The following CCNH variants were observed in gnomAD, a reference collection of about 807,000 sequenced individuals.
CCNH encodes the protein cyclin H.
Under a neutral mutation model 41.9 loss-of-function variants are expected in CCNH, and 31 were observed. The observed-to-expected ratio is 0.74, with a 90% CI of 0.56 to 1.00. The LOEUF is 1.00. Ranked by LOEUF, CCNH falls within the 50% of genes least tolerant of loss-of-function variation. The pLI is 0.00. For missense variants in CCNH, 362 were observed against 388.4 expected, an observed-to-expected ratio of 0.93 and a Z score of 0.57; for synonymous variants, 138 against 136.1, an observed-to-expected ratio of 1.01 and a Z score of -0.10.
chr5:87,412,688 G>C lies in CCNH; in HGVS notation c.107C>G (p.Ala36Gly), dbSNP rs1764356005. 2 of 1,614,054 alleles carry C rather than the reference G, an allele frequency of 1.2e-6. No individual in the cohort carries two copies. Among genetic ancestry groups the C allele is most frequent in the Non-Finnish European group, 1.7e-6 (2 of 1,179,950 alleles). ...TTGGGAAAACCTCACCTTCCCGTTG[G>C]CCACGGCTTTGCATCTGAATTTGCG... Reference protein sequence around the residue: ...ANRKFRCKAVANGKVLPNDPV... With the variant: ...ANRKFRCKAVGNGKVLPNDPV... The change falls in exon 1 of 9, where the codon GCC (alanine) becomes GGC (glycine). Residue 36 changes from alanine to glycine, a missense_variant. By Grantham distance (60) the Ala-to-Gly change is moderately conservative. Transcript: ENST00000256897.
At chr5:87,406,650 A>T (rs1369652761) in intron 4 of CCNH, among the ~76,000 whole-genome samples, 1 of 152,040 alleles carries the variant, frequency 6.6e-6, no homozygotes, top group African/African-American at 2.4e-5. Flanking sequence ...AAAAAAAAAA[A>T]GTGTAATCCC....
At chr5:87,395,021 T>G (rs763642872) in intron 8 of CCNH, 23 bp downstream of exon 8, 3 of 1,610,752 alleles carry the variant, frequency 1.9e-6, no homozygotes, top group Non-Finnish European at 2.5e-6. Flanking sequence ...TAACTTAGAG[T>G]TCATCTTTGG....
intron 2 of CCNH, 52 bp downstream of exon 2, chr5:87,411,172 A>T: frequency 6.5e-7 from 1 of 1,536,936 alleles, no homozygotes; most frequent in South Asian, 1.3e-5. Context: ...GAAGAGGTCA[A>T]ATTTCACAAG....
chr5:87,349,000 G>A (rs2112420783), intron 9 of CCNH, among the ~76,000 whole-genome samples: 1 of 151,644 alleles, frequency 6.6e-6, no homozygotes, highest in South Asian at 2.1e-4. Context: ...ATTAAAGCTG[G>A]TAAGATACAC....
At chr5:87,311,517 T>A in the CCNH span, among the ~76,000 whole-genome samples, 1 of 152,208 alleles carries the variant, frequency 6.6e-6, no homozygotes, top group Non-Finnish European at 1.5e-5. Context: ...GGCTACAGTT[T>A]AAAATCAGCA....
rs556540712 is a variant in CCNH, at chr5:87,322,498, C to A, written c.*91-3601G>T. Among the ~76,000 whole-genome samples, 3 of 152,250 alleles carry A rather than the reference C, an allele frequency of 2.0e-5. No homozygotes were observed. In the South Asian group the frequency reaches 6.2e-4, roughly 32 times the overall value. The stretch of plus-strand genomic sequence containing the variant: ...CCACTAAATCAGTCAGTCCCTGGTG[C>A]CGGAGGTTGGGGACTACTGGTTTAA... On this transcript the variant is annotated intron_variant and NMD_transcript_variant, in intron 9 of 9. Coordinates refer to the CCNH transcript ENST00000645953.
At position 87,394,278 on chromosome 5, in the gene CCNH, T is replaced by C. The variant is rs780452690; in HGVS notation, c.*168A>G. On this transcript the variant is annotated 3_prime_UTR_variant, in exon 9 of 9. Transcript: ENST00000256897. ...CAAAACAGGTGCTATTCTAGCTCTT[T>C]TGAAGATGGTTTATTTTACATAAAG... 1 of 1,327,474 alleles carries C rather than the reference T, an allele frequency of 7.5e-7. No homozygotes were observed. Among genetic ancestry groups the C allele is most frequent in the South Asian group, 2.3e-5 (1 of 43,100 alleles). The allele number at this position is 1,327,474 out of a possible 1,614,324, so 82.2% of individuals were successfully genotyped here. A position where few individuals can be genotyped will look rare whatever the true frequency, so the allele number is the denominator to read the frequency against.
intron 9 of CCNH, chr5:87,333,178 A>G (rs1037282662): frequency 3.3e-5 from 50 of 1,535,670 alleles, no homozygotes; most frequent in Non-Finnish European, 4.1e-5. Context: ...TCTAATGTGA[A>G]TTTTTATTGG....
At chr5:87,402,426 A>C (rs1021661083) in intron 5 of CCNH, among the ~76,000 whole-genome samples, 1 of 152,198 alleles carries the variant, frequency 6.6e-6, no homozygotes, top group Non-Finnish European at 1.5e-5. Flanking sequence ...CTATATTAAA[A>C]TTTCAGTTAC....
At chr5:87,330,089 G>A (rs928021897) in intron 9 of CCNH, among the ~76,000 whole-genome samples, 11 of 152,170 alleles carry the variant, frequency 7.2e-5, no homozygotes, top group Non-Finnish European at 1.0e-4. Flanking sequence ...TTGTTAAGTC[G>A]TAATGGAACG....
At chr5:87,380,622 A>G, upstream of CCNH, 2 of 1,533,808 alleles carry the variant, frequency 1.3e-6, no homozygotes, top group Non-Finnish European at 1.8e-6. Flanking sequence ...GATTTGTTAA[A>G]TCACATACTA....
chr5:87,392,555 T>A, downstream of CCNH: 1 of 344,646 alleles, frequency 2.9e-6, no homozygotes, highest in Non-Finnish European at 5.7e-6. Context: ...CTTGGTTACA[T>A]GATAGAAGAC....
At chr5:87,389,537 C>T (rs768479962), downstream of CCNH, 36 of 1,613,406 alleles carry the variant, frequency 2.2e-5, no homozygotes, top group African/African-American at 2.7e-5. Context: ...GGTAGGCTTT[C>T]GCCAGCCTTC....
rs1460835930 is a variant in CCNH at position 87,394,500 on chromosome 5, A to G, written c.934-16T>C. The G allele has an allele frequency of 4.3e-6, 7 of 1,613,446 alleles. No homozygotes were observed. The highest frequency in any genetic ancestry group is 5.9e-6 in the Non-Finnish European group (7 of 1,179,582). ...TCCATTCTTCCTAAGAAGGAAAAAA[A>G]GTGTGGTAAGGATAACACTGAAGCA... On this transcript the variant is annotated splice_polypyrimidine_tract_variant and intron_variant, in intron 8 of 8. Coordinates refer to ENST00000256897, the MANE Select transcript of CCNH (RefSeq NM_001239.4).
In CCNH at chr5:87,394,438, T is replaced by A. The variant is rs1762755809; in HGVS notation, c.*8A>T. Reference sequence around the variant, plus strand: ...ATTAGTTAGCATTGAGAAATCAACTTCAAATGGTTAGAGAGATTCTACCAG... The same window carrying A: ...ATTAGTTAGCATTGAGAAATCAACTACAAATGGTTAGAGAGATTCTACCAG... On this transcript the variant is annotated 3_prime_UTR_variant, in exon 9 of 9. Transcript: ENST00000256897. The A allele has an allele frequency of 6.2e-7, 1 of 1,612,394 alleles. No homozygotes were observed. The highest frequency in any genetic ancestry group is 8.5e-7 in the Non-Finnish European group (1 of 1,178,830).
chr5:87,408,296 T>C, intron 3 of CCNH, 110 bp from the exon 4 acceptor site: 1 of 537,272 alleles, frequency 1.9e-6, no homozygotes, highest in East Asian at 3.0e-5. Context: ...TATTCTATAA[T>C]TGCCTAATAT....
chr5:87,386,867 C>G, downstream of CCNH: 1 of 1,612,716 alleles, frequency 6.2e-7, no homozygotes, highest in Non-Finnish European at 8.5e-7. Flanking sequence ...TCAAAAGCAA[C>G]AAACATCGTA....
chr5:87,340,389 G>A (rs765563328), intron 9 of CCNH, among the ~76,000 whole-genome samples: 6 of 151,760 alleles, frequency 4.0e-5, no homozygotes, highest in Non-Finnish European at 7.4e-5. Flanking sequence ...TTTGGGCAGT[G>A]ACACAATGAT....
At chr5:87,358,207 G>A (rs1299326092) in intron 9 of CCNH, among the ~76,000 whole-genome samples, 1 of 152,132 alleles carries the variant, frequency 6.6e-6, no homozygotes, top group Non-Finnish European at 1.5e-5. Flanking sequence ...CTTACTTCCT[G>A]GAACTGTTAA....
Sources: gnomAD v4.1 joint callset for allele counts (sites outside exome capture counted in the v4.1 genomes callset) on GRCh38, gnomAD v4.1.1 for gene constraint, MANE v1.5 for transcripts, NCBI Gene and HGNC (gene_info 2026-07-23, HGNC 2026-07-21) for gene names.